The following SLC35E4 variants were observed in gnomAD, a reference collection of about 807,000 sequenced individuals.
The protein encoded by SLC35E4 is solute carrier family 35, member E4.
A neutral mutation model predicts 19.3 loss-of-function variants in SLC35E4; 15 were observed. The observed-to-expected ratio is 0.78, with a 90% confidence interval of 0.52 to 1.20. The LOEUF (loss-of-function observed/expected upper bound fraction) is 1.20, where lower values mean the gene tolerates loss of function less well. Ranked by LOEUF, SLC35E4 falls within the 50% of genes most tolerant of loss-of-function variation. The pLI, the probability that SLC35E4 is intolerant of heterozygous loss-of-function variation, is 0.00. For missense variants in SLC35E4, 406 were observed against 472.3 expected (o/e 0.86, Z 1.30); for synonymous variants, 219 against 219.9 (o/e 1.00, Z 0.04).
At chr22:30,651,371 T>TTTTTTTTGTGTG (rs1555899345), downstream of SLC35E4, among the ~76,000 whole-genome samples, 1 of 41,202 alleles carries the variant, frequency 2.4e-5, no homozygotes, top group African/African-American at 1.1e-4. Context: ...TGGCTAATTT[T>TTTTTTTTGTGTG]TGTGTGTGTG....
chr22:30,643,190 G>T (rs771172468), intron 1 of SLC35E4, among the ~76,000 whole-genome samples: 9 of 152,198 alleles, frequency 5.9e-5, no homozygotes, highest in Non-Finnish European at 1.3e-4. Context: ...GGGAAGTGGG[G>T]CGCCAGCCTG....
chr22:30,666,359 G>A (rs1216381970), downstream of SLC35E4, among the ~76,000 whole-genome samples: 1 of 152,134 alleles, frequency 6.6e-6, no homozygotes, highest in African/African-American at 2.4e-5. Flanking sequence ...GGTGGCTTAA[G>A]CCTATAATCC....
exon 3 of SLC35E4, chr22:30,668,989 A>AT (rs988783621): frequency 1.3e-5 from 2 of 152,034 alleles, no homozygotes; most frequent in Admixed American, 6.6e-5. Context: ...TGTTTTAAGG[A>AT]TTTTTTTAAA....
At chr22:30,657,245 G>A (rs957419557) in intron 2 of SLC35E4, among the ~76,000 whole-genome samples, 1 of 150,720 alleles carries the variant, frequency 6.6e-6, no homozygotes, top group Non-Finnish European at 1.5e-5. Context: ...GACCAGCCTG[G>A]CCAACACGGT....
intron 1 of SLC35E4, among the ~76,000 whole-genome samples, chr22:30,644,635 T>C (rs959478820): frequency 2.0e-5 from 3 of 152,090 alleles, no homozygotes; most frequent in African/African-American, 7.2e-5. Flanking sequence ...CCCCAGCTAC[T>C]TGGGAGGCTG....
At chr22:30,645,997 T>C (rs899641242) in intron 1 of SLC35E4, among the ~76,000 whole-genome samples, 6 of 151,786 alleles carry the variant, frequency 4.0e-5, no homozygotes, top group Non-Finnish European at 5.9e-5. Context: ...ATTTGTATTG[T>C]GTAGAGGCAG....
At chr22:30,649,177 T>C, downstream of SLC35E4, 1 of 716,294 alleles carries the variant, frequency 1.4e-6, no homozygotes, top group Non-Finnish European at 2.6e-6. Flanking sequence ...CTTCCAGATC[T>C]GCAAAATGGA....
chr22:30,649,252 AG>A (rs776595561), downstream of SLC35E4: 43 of 717,078 alleles, frequency 6.0e-5, no homozygotes, highest in Middle Eastern at 2.3e-4. Context: ...GTGAGGAAGG[AG>A]GTAATGGCAC....
chr22:30,648,242 C>T (rs1269654177), downstream of SLC35E4, among the ~76,000 whole-genome samples: 1 of 152,162 alleles, frequency 6.6e-6, no homozygotes, highest in Non-Finnish European at 1.5e-5. Context: ...GGACGTGGCA[C>T]CTGCAGCCTC....
At chr22:30,663,404 C>G (rs758100559), downstream of SLC35E4, 2 of 1,575,832 alleles carry the variant, frequency 1.3e-6, no homozygotes, top group East Asian at 2.2e-5. Context: ...AGATCTGTAC[C>G]TCTGACTCCA....
intron 2 of SLC35E4, among the ~76,000 whole-genome samples, chr22:30,659,905 GAGA>G (rs2088424663): frequency 6.6e-6 from 1 of 152,196 alleles, no homozygotes. Flanking sequence ...TTTAAAGTGT[GAGA>G]AGAATTCAAC....
intron 1 of SLC35E4, among the ~76,000 whole-genome samples, chr22:30,638,865 CT>C (rs1302207980): frequency 1.3e-5 from 2 of 152,104 alleles, no homozygotes; most frequent in African/African-American, 4.8e-5. Flanking sequence ...ACTGGGGAGG[CT>C]GAGGCATAAG....
intron 2 of SLC35E4, among the ~76,000 whole-genome samples, chr22:30,658,846 T>C (rs2088398285): frequency 6.6e-6 from 1 of 151,870 alleles, no homozygotes; most frequent in African/African-American, 2.4e-5. Context: ...GGCAAAGGCT[T>C]TGAAACTGAA....
At chr22:30,640,159 G>C (rs2088015428) in intron 1 of SLC35E4, among the ~76,000 whole-genome samples, 2 of 152,074 alleles carry the variant, frequency 1.3e-5, no homozygotes, top group South Asian at 4.1e-4. Context: ...AGGATCACGA[G>C]GTCAGGAGAT....
At chr22:30,649,732 C>T (rs1257929685), downstream of SLC35E4, among the ~76,000 whole-genome samples, 3 of 149,756 alleles carry the variant, frequency 2.0e-5, no homozygotes, top group Admixed American at 2.0e-4. Flanking sequence ...GTCAAATCCT[C>T]CTCGGTGACT....
chr22:30,637,804 T>G (rs988054108), intron 1 of SLC35E4, among the ~76,000 whole-genome samples: 5 of 152,148 alleles, frequency 3.3e-5, no homozygotes, highest in Non-Finnish European at 7.4e-5. Flanking sequence ...TAAACCCAGA[T>G]AGTCAGACTC....
At chr22:30,651,543 G>C (rs561954367), downstream of SLC35E4, among the ~76,000 whole-genome samples, 2 of 144,118 alleles carry the variant, frequency 1.4e-5, no homozygotes, top group Non-Finnish European at 3.0e-5. Context: ...GCCTCCCAAA[G>C]TGCTAGGATT....
At chr22:30,662,001 G>C (rs190122162) in intron 2 of SLC35E4, 1 of 150,684 alleles carries the variant, frequency 6.6e-6, no homozygotes, top group South Asian at 2.1e-4. Context: ...TAGGCCTCCT[G>C]TGAGGTAGGG....
chr22:30,658,372 C>G (rs1269874468), intron 2 of SLC35E4, among the ~76,000 whole-genome samples: 2 of 148,532 alleles, frequency 1.3e-5, no homozygotes, highest in South Asian at 2.1e-4. Context: ...GACTCTGTCT[C>G]TAGAAAAAAA....
Sources: allele counts gnomAD v4.1 joint callset (sites outside exome capture counted in the v4.1 genomes callset), GRCh38; gene constraint gnomAD v4.1.1; transcripts MANE v1.5; gene names NCBI Gene and HGNC (gene_info 2026-07-23, HGNC 2026-07-21).